The following GALNT17 variants were observed in gnomAD, a reference collection of about 807,000 sequenced individuals.
The protein encoded by GALNT17 is polypeptide N-acetylgalactosaminyltransferase 17.
Under a neutral mutation model 63.7 loss-of-function variants are expected in GALNT17, and 29 were observed. The observed-to-expected ratio is 0.46, with a 90% CI of 0.34 to 0.62. The LOEUF is 0.62. GALNT17 is among the 20% of genes least tolerant of loss of function. GALNT17 has a pLI of 0.01. For missense variants in GALNT17, 603 were observed against 799.6 expected (o/e 0.75, Z 2.97); for synonymous variants, 305 against 318.3 (o/e 0.96, Z 0.45).
At chr7:71,588,348 G>A (rs1525718) in intron 6 of GALNT17, among the ~76,000 whole-genome samples, 152,263 of 152,296 alleles carry the variant, frequency 1, 76,115 homozygotes, top group Non-Finnish European at 1. Context: ...AAGTTGATTG[G>A]ATGAGGTTTA....
At chr7:71,202,331 CCA>C (rs201735000) in intron 1 of GALNT17, among the ~76,000 whole-genome samples, 3,033 of 152,124 alleles carry the variant, frequency 0.02, 34 homozygotes, top group Middle Eastern at 0.037. Flanking sequence ...AAACTTTCAC[CCA>C]CAGTCATCCA....
At chr7:71,307,341 G>C (rs904195759) in intron 1 of GALNT17, among the ~76,000 whole-genome samples, 3 of 152,000 alleles carry the variant, frequency 2.0e-5, no homozygotes, top group African/African-American at 7.2e-5. Context: ...ATGGGTGTGA[G>C]GTGGTATCTC....
chr7:71,423,785 G>T (rs1786709150), intron 5 of GALNT17, among the ~76,000 whole-genome samples: 1 of 151,976 alleles, frequency 6.6e-6, no homozygotes, highest in African/African-American at 2.4e-5. Context: ...TAGCCGGGGT[G>T]GTGGTGTGCT....
intron 1 of GALNT17, among the ~76,000 whole-genome samples, chr7:71,292,641 G>GAGAC (rs1562975922): frequency 9.2e-6 from 1 of 108,586 alleles, no homozygotes; most frequent in Non-Finnish European, 2.0e-5. Context: ...GAGGGAGAGA[G>GAGAC]AGAGAGAGAG....
chr7:71,474,007 G>C (rs1284158661), intron 5 of GALNT17, among the ~76,000 whole-genome samples: 2 of 152,220 alleles, frequency 1.3e-5, no homozygotes, highest in Admixed American at 1.3e-4. Flanking sequence ...GATACTTATA[G>C]TTATTTCTTG....
chr7:71,181,728 T>C (rs1324835653), intron 1 of GALNT17, among the ~76,000 whole-genome samples: 1 of 151,824 alleles, frequency 6.6e-6, no homozygotes, highest in Non-Finnish European at 1.5e-5. Flanking sequence ...ATAAAAAAAA[T>C]TAGCCAGACA....
chr7:71,496,521 C>T (rs377025864), intron 5 of GALNT17, among the ~76,000 whole-genome samples: 1 of 152,150 alleles, frequency 6.6e-6, no homozygotes, highest in African/African-American at 2.4e-5. Flanking sequence ...CAGACATCGT[C>T]CAGTGACATA....
chr7:71,199,875 G>T (rs1169147686), intron 1 of GALNT17, among the ~76,000 whole-genome samples: 5 of 152,056 alleles, frequency 3.3e-5, no homozygotes, highest in Admixed American at 3.3e-4. Flanking sequence ...AGACCATGTC[G>T]CCATCCTCAA....
chr7:71,308,833 T>G (rs1791357730), intron 1 of GALNT17, among the ~76,000 whole-genome samples: 1 of 151,568 alleles, frequency 6.6e-6, no homozygotes. Context: ...AACCTCTGCC[T>G]TTTGGGTTCA....
chr7:71,451,180 G>GT (rs1262245294), intron 5 of GALNT17, among the ~76,000 whole-genome samples: 1 of 152,108 alleles, frequency 6.6e-6, no homozygotes, highest in Admixed American at 6.6e-5. Flanking sequence ...AACATGTGGT[G>GT]TTTGGTTTTT....
intron 5 of GALNT17, among the ~76,000 whole-genome samples, chr7:71,540,901 G>C (rs1394946192): frequency 6.6e-6 from 1 of 152,050 alleles, no homozygotes; most frequent in African/African-American, 2.4e-5. Flanking sequence ...ATCTGTGCTT[G>C]CCTGCCCTGG....
chr7:71,278,885 C>T (rs1790729187), intron 1 of GALNT17, among the ~76,000 whole-genome samples: 1 of 151,776 alleles, frequency 6.6e-6, no homozygotes, highest in Non-Finnish European at 1.5e-5. Context: ...TATCAACCTT[C>T]TTCCCTCTGT....
chr7:71,342,050 G>A (rs902929119), intron 2 of GALNT17, among the ~76,000 whole-genome samples: 10 of 152,248 alleles, frequency 6.6e-5, no homozygotes, highest in South Asian at 2.1e-4. Context: ...TTAACTCCTC[G>A]TTCAAAAAGC....
chr7:71,132,866 G>A lies in GALNT17; in HGVS notation c.64G>A (p.Val22Met). The A allele has an allele frequency of 1.2e-6, 2 of 1,613,008 alleles. No individual in the cohort carries two copies. The highest frequency in any genetic ancestry group is 2.2e-5 in the South Asian group (2 of 91,006). Residue 22 changes from valine to methionine, a missense_variant, in exon 1 of 11, where the codon GTG becomes ATG. Around this residue, in one of 3 missense-constraint regions of GALNT17, gnomAD observed 195 missense variants for 215.0 expected, o/e 0.91. Coordinates refer to ENST00000333538, the MANE Select transcript of GALNT17 (RefSeq NM_022479.3). ...GAACTTGATCGCGGTAGCCGGCTTC[G>A]TGCTCTTCCTGGCCAAGTGCCGGCC... ...VLNLIAVAGF[V>M]LFLAKCRPIA...
intron 5 of GALNT17, among the ~76,000 whole-genome samples, chr7:71,510,834 A>G (rs1049581462): frequency 1.3e-5 from 2 of 152,086 alleles, no homozygotes; most frequent in Non-Finnish European, 1.5e-5. Context: ...TTTGGAGAAG[A>G]AGGTCAGGGT....
intron 6 of GALNT17, among the ~76,000 whole-genome samples, chr7:71,634,762 AAAAAAAG>A (rs1208196933): frequency 2.0e-5 from 3 of 151,516 alleles, no homozygotes; most frequent in Admixed American, 6.6e-5. Context: ...TCAAAAAAAA[AAAAAAAG>A]AAAAAAGAAA....
At chr7:71,276,492 A>G (rs1321723844) in intron 1 of GALNT17, among the ~76,000 whole-genome samples, 1 of 152,168 alleles carries the variant, frequency 6.6e-6, no homozygotes, top group Non-Finnish European at 1.5e-5. Context: ...AGGTAATTGA[A>G]TCATGGGGGT....
At chr7:71,359,696 G>T (rs185296658) in intron 2 of GALNT17, among the ~76,000 whole-genome samples, 20 of 151,876 alleles carry the variant, frequency 1.3e-4, no homozygotes, top group African/African-American at 4.6e-4. Context: ...CAGTTCTTCT[G>T]CCTCAGCCTC....
chr7:71,151,475 G>T (rs1788131069), intron 1 of GALNT17, among the ~76,000 whole-genome samples: 2 of 151,964 alleles, frequency 1.3e-5, no homozygotes, highest in Admixed American at 1.3e-4. Flanking sequence ...CAAAAAATTA[G>T]TCAGGCGTGG....
Sources: gnomAD v4.1 joint callset for allele counts (sites outside exome capture counted in the v4.1 genomes callset) on GRCh38, gnomAD v4.1.1 for gene constraint, gnomAD v4.1.1 regional missense constraint, MANE v1.5 for transcripts, NCBI Gene and HGNC (gene_info 2026-07-23, HGNC 2026-07-21) for gene names.